The following NBAS variants were observed in gnomAD, a reference collection of about 807,000 sequenced individuals.
The protein encoded by NBAS is NBAS subunit of NRZ tethering complex.
A neutral mutation model predicts 302.5 loss-of-function variants in NBAS; 219 were observed. That is an observed-to-expected ratio of 0.72 (90% CI 0.65 to 0.81). NBAS has a LOEUF of 0.81. Among genes scored for constraint, NBAS ranks in the 30% least tolerant of loss-of-function variants. NBAS has a pLI of 0.00. For synonymous variants in NBAS, 1,118 were observed against 1,021.6 expected (o/e 1.09, Z -1.80); for missense variants, 2,932 against 2,841.6 (o/e 1.03, Z -0.72).
chr2:15,492,558 G>A (rs1412412965), intron 11 of NBAS, among the ~76,000 whole-genome samples: 1 of 152,064 alleles, frequency 6.6e-6, no homozygotes, highest in Non-Finnish European at 1.5e-5. Context: ...CCAGGCTCAA[G>A]TGATCCTCCC....
the NBAS span, among the ~76,000 whole-genome samples, chr2:15,069,729 ATTTT>A: frequency 8.5e-5 from 13 of 152,212 alleles, no homozygotes; most frequent in African/African-American, 3.1e-4. Context: ...TTTTAAGGAT[ATTTT>A]TTCTCTGTGA....
chr2:15,554,104 G>A lies in NBAS; in HGVS notation c.244C>T (p.Arg82Cys), dbSNP rs370943197. ...APFLLPDGLVRLVNKQINWHL... is the reference protein window; with the variant it reads ...APFLLPDGLVCLVNKQINWHL... The stretch of plus-strand genomic sequence containing the variant: ...CAGTTTATCTGTTTATTAACCAAGC[G>A]AACCAGTCCATCAGGGAGCAAAAAA... The change falls in exon 4 of 52, where the codon CGC (arginine) becomes TGC (cysteine). Residue 82 changes from arginine to cysteine, a missense_variant. Arg to Cys is a radical substitution (Grantham distance 180). Coordinates refer to ENST00000281513, the MANE Select transcript of NBAS (RefSeq NM_015909.4). The A allele has an allele frequency of 2.5e-6, 4 of 1,613,734 alleles. No homozygotes were observed. Among genetic ancestry groups the A allele is most frequent in the African/African-American group, 2.7e-5 (2 of 74,862 alleles).
intron 26 of NBAS, among the ~76,000 whole-genome samples, 194 bp downstream of exon 26, chr2:15,401,974 T>C (rs1029065325): frequency 1.3e-5 from 2 of 152,136 alleles, no homozygotes; most frequent in Non-Finnish European, 2.9e-5. Flanking sequence ...GAACAAAATA[T>C]AGAACTTCCC....
At chr2:15,042,321 T>C in the NBAS span, among the ~76,000 whole-genome samples, 125,158 of 152,248 alleles carry the variant, frequency 0.82, 51,802 homozygotes, top group East Asian at 0.99. Context: ...GAGCTAAGCA[T>C]TGGGCAGTAA....
At chr2:15,322,067 G>T (rs1328785727) in intron 38 of NBAS, among the ~76,000 whole-genome samples, 1 of 152,170 alleles carries the variant, frequency 6.6e-6, no homozygotes, top group Non-Finnish European at 1.5e-5. Context: ...CATAAAAAAT[G>T]ATGAGTTCAT....
At chr2:15,107,655 G>T in the NBAS span, among the ~76,000 whole-genome samples, 1 of 152,114 alleles carries the variant, frequency 6.6e-6, no homozygotes, top group South Asian at 2.1e-4. Flanking sequence ...CAGGCACTAA[G>T]ACAGACTTCT....
intron 39 of NBAS, 105 bp from the exon 40 acceptor site, chr2:15,308,458 C>T: frequency 1.4e-6 from 2 of 1,389,430 alleles, no homozygotes; most frequent in Non-Finnish European, 2.0e-6. Flanking sequence ...GTACAAAGTT[C>T]CCATTACATC....
At chr2:14,887,112 C>T in the NBAS span, among the ~76,000 whole-genome samples, 5,813 of 152,148 alleles carry the variant, frequency 0.038, 138 homozygotes, top group Non-Finnish European at 0.052. Context: ...CTTTTTTAAA[C>T]GATAGAGGTG....
the NBAS span, among the ~76,000 whole-genome samples, chr2:15,099,221 T>G: frequency 6.6e-6 from 1 of 151,992 alleles, no homozygotes. Flanking sequence ...GAGAATGGCT[T>G]GAATGCAAAG....
At chr2:15,515,414 G>A (rs146427639) in intron 9 of NBAS, among the ~76,000 whole-genome samples, 4 of 152,282 alleles carry the variant, frequency 2.6e-5, no homozygotes, top group South Asian at 2.1e-4. Flanking sequence ...TTACTTGGGC[G>A]TGGTGGTGCA....
At chr2:15,201,465 G>A (rs1480275300) in intron 48 of NBAS, among the ~76,000 whole-genome samples, 1 of 152,114 alleles carries the variant, frequency 6.6e-6, no homozygotes, top group African/African-American at 2.4e-5. Flanking sequence ...ATTTTGAGAA[G>A]ACCAAAACCA....
chr2:14,988,241 A>G, the NBAS span, among the ~76,000 whole-genome samples: 2 of 152,192 alleles, frequency 1.3e-5, no homozygotes, highest in Non-Finnish European at 2.9e-5. Flanking sequence ...TTTTGGTGGT[A>G]TCACTGAGGT....
chr2:15,239,505 T>G (rs1245714150), intron 44 of NBAS, among the ~76,000 whole-genome samples: 1 of 151,784 alleles, frequency 6.6e-6, no homozygotes, highest in East Asian at 1.9e-4. Context: ...ACTTGCTAAT[T>G]TAGCATCCCT....
At chr2:15,103,907 A>G in the NBAS span, among the ~76,000 whole-genome samples, 13 of 152,198 alleles carry the variant, frequency 8.5e-5, no homozygotes, top group African/African-American at 3.1e-4. Flanking sequence ...TCCACTGAAG[A>G]TCTTATTTTT....
At chr2:15,203,928 G>A (rs1195803986) in intron 48 of NBAS, among the ~76,000 whole-genome samples, 1 of 151,038 alleles carries the variant, frequency 6.6e-6, no homozygotes, top group African/African-American at 2.4e-5. Context: ...GTGTGTGTGA[G>A]TGGGGAGGAG....
rs555264546 is a variant in NBAS at position 15,510,982 on chromosome 2, T to C, written c.885+230A>G. On this transcript the variant is annotated intron_variant, in intron 10 of 51. Coordinates refer to ENST00000281513, the MANE Select transcript of NBAS (RefSeq NM_015909.4). Reference sequence around the variant, plus strand: ...GGAATGGGACTACTGTTAGGTTGTTTTTCTAGTATCTGAAAATGTCACTAC... The same window carrying C: ...GGAATGGGACTACTGTTAGGTTGTTCTTCTAGTATCTGAAAATGTCACTAC... 6.6e-5 allele frequency among the ~76,000 whole-genome samples: 10 copies of C among 152,358 alleles called. No individual in the cohort carries two copies. In the East Asian group the frequency reaches 1.9e-3, roughly 29 times the overall value.
the NBAS span, among the ~76,000 whole-genome samples, chr2:14,980,390 T>C: frequency 6.6e-6 from 1 of 151,928 alleles, no homozygotes; most frequent in Admixed American, 6.6e-5. Context: ...AAAATAGAAA[T>C]AATAAGAGAC....
chr2:15,411,675 G>A (rs1159682591), intron 25 of NBAS, among the ~76,000 whole-genome samples: 1 of 152,138 alleles, frequency 6.6e-6, no homozygotes, highest in African/African-American at 2.4e-5. Context: ...ACCTAGTAAA[G>A]TCCTATTTGT....
intron 25 of NBAS, among the ~76,000 whole-genome samples, chr2:15,411,949 T>C (rs1485669216): frequency 6.6e-6 from 1 of 152,078 alleles, no homozygotes; most frequent in Non-Finnish European, 1.5e-5. Context: ...TAGCCCAAGT[T>C]TCTTCCCAAG....
Sources: allele counts gnomAD v4.1 joint callset (sites outside exome capture counted in the v4.1 genomes callset), GRCh38; gene constraint gnomAD v4.1.1; transcripts MANE v1.5; gene names NCBI Gene and HGNC (gene_info 2026-07-23, HGNC 2026-07-21).